CLIP4: variants seen among roughly 807,000 people sequenced by gnomAD.
CLIP4 encodes CAP-Gly domain-containing linker protein 4.
A neutral mutation model predicts 73.1 loss-of-function variants in CLIP4; 47 were observed. The observed-to-expected ratio is 0.64, with a 90% CI of 0.51 to 0.82. The LOEUF (loss-of-function observed/expected upper bound fraction) is 0.82, where lower values mean the gene tolerates loss of function less well. CLIP4 is among the 40% of genes least tolerant of loss of function. The pLI is 0.00. For synonymous variants in CLIP4, 306 were observed against 295.4 expected (o/e 1.04, Z -0.37); for missense variants, 874 against 852.9 (o/e 1.02, Z -0.31).
intron 14 of CLIP4, among the ~76,000 whole-genome samples, chr2:29,172,449 CGTT>C (rs1297717619): frequency 6.6e-6 from 1 of 152,070 alleles, no homozygotes; most frequent in African/African-American, 2.4e-5. Flanking sequence ...TTGACAGTAT[CGTT>C]GTGCTGTTTT....
chr2:29,109,132 A>G (rs762942658), intron 1 of CLIP4, among the ~76,000 whole-genome samples: 4 of 152,208 alleles, frequency 2.6e-5, no homozygotes, highest in Non-Finnish European at 4.4e-5. Context: ...GCTTGGTCAG[A>G]GTCCGTTTCA....
intron 6 of CLIP4, among the ~76,000 whole-genome samples, chr2:29,143,014 C>T (rs921661659): frequency 1.6e-4 from 24 of 152,236 alleles, no homozygotes; most frequent in African/African-American, 5.8e-4. Flanking sequence ...TTGATTATAG[C>T]CCAGGTTTTA....
At chr2:29,115,041 C>T (rs1454233608), upstream of CLIP4, 1 of 152,390 alleles carries the variant, frequency 6.6e-6, no homozygotes, top group Non-Finnish European at 1.5e-5. The surrounding 1 kb of genome is among the most constrained non-coding windows in gnomAD (Gnocchi z 5.1). Context: ...ACTAATTGCT[C>T]AACGTGGGTG....
At chr2:29,139,362 T>A (rs928826245) in intron 6 of CLIP4, among the ~76,000 whole-genome samples, 2 of 152,210 alleles carry the variant, frequency 1.3e-5, no homozygotes, top group Admixed American at 6.5e-5. Flanking sequence ...ATTATCTTTT[T>A]GGTATGCTGC....
At chr2:29,134,635 G>A (rs963564189) in intron 5 of CLIP4, among the ~76,000 whole-genome samples, 10 of 152,036 alleles carry the variant, frequency 6.6e-5, no homozygotes, top group African/African-American at 2.2e-4. Context: ...TGGGTGGTTT[G>A]CAGTTGTAGG....
At chr2:29,153,855 ACCT>A (rs898955987) in intron 9 of CLIP4, among the ~76,000 whole-genome samples, 41 of 151,858 alleles carry the variant, frequency 2.7e-4, no homozygotes, top group African/African-American at 9.9e-4. Context: ...GTAGTGGAAA[ACCT>A]CCTATCTCAT....
chr2:29,170,155 C>G (rs1221333399), intron 14 of CLIP4, among the ~76,000 whole-genome samples: 2 of 152,114 alleles, frequency 1.3e-5, no homozygotes, highest in Non-Finnish European at 2.9e-5. Flanking sequence ...TCCATTCATC[C>G]ATTGGTGGAC....
At chr2:29,181,233 C>T (rs1215219555) in intron 15 of CLIP4, among the ~76,000 whole-genome samples, 1 of 152,044 alleles carries the variant, frequency 6.6e-6, no homozygotes, top group Non-Finnish European at 1.5e-5. Flanking sequence ...GAAATAGAAG[C>T]GGATCATCAT....
chr2:29,122,417 G>T (rs913496099), intron 2 of CLIP4, among the ~76,000 whole-genome samples: 2 of 151,956 alleles, frequency 1.3e-5, no homozygotes, highest in African/African-American at 2.4e-5. Flanking sequence ...TGAACCTTGT[G>T]CATTGTACCT....
chr2:29,135,794 C>A, intron 6 of CLIP4, 128 bp downstream of exon 6: 1 of 608,910 alleles, frequency 1.6e-6, no homozygotes, highest in Non-Finnish European at 2.8e-6. Context: ...TATCTTTGTG[C>A]CACATGTAAA....
At chr2:29,169,332 T>G (rs397839720) in intron 14 of CLIP4, among the ~76,000 whole-genome samples, 88 of 784 alleles carry the variant, frequency 0.11, 1 homozygote, top group East Asian at 0.29. Context: ...TTTTTCACTG[T>G]GTGTGTGTGT....
intron 2 of CLIP4, chr2:29,130,991 G>A: frequency 1.9e-6 from 2 of 1,058,404 alleles, no homozygotes; most frequent in Non-Finnish European, 2.5e-6. Flanking sequence ...GTGCGATGTT[G>A]AGCTGGTATT....
chr2:29,143,843 C>A lies in CLIP4; in HGVS notation c.783C>A (p.Ile261=), dbSNP rs1294517466. 1.2e-6 allele frequency: 2 copies of A among 1,614,158 alleles called. No homozygotes were observed. Among genetic ancestry groups the A allele is most frequent in the Non-Finnish European group, 1.7e-6 (2 of 1,180,010 alleles). The part of the protein sequence containing the change: ...LLDAVPLSCN[I]SKAMLPNYDH... ...ATGCGGTGCCTCTGTCATGTAACAT[C>A]TCAAAGGCCATGCTCCCAAATTATG... is the stretch of plus-strand genomic sequence containing the variant. The change falls in exon 7 of 16, where the codon ATC becomes ATA. Residue 261 remains isoleucine (I), a synonymous_variant. Transcript: ENST00000320081.
chr2:29,159,049 C>G (rs1667120554), intron 11 of CLIP4, among the ~76,000 whole-genome samples: 2 of 152,324 alleles, frequency 1.3e-5, no homozygotes, highest in South Asian at 4.1e-4. Context: ...GTACCACTTA[C>G]TGGCTGTTAA....
chr2:29,108,761 T>C (rs1403842504), intron 1 of CLIP4, among the ~76,000 whole-genome samples: 1 of 152,246 alleles, frequency 6.6e-6, no homozygotes, highest in African/African-American at 2.4e-5. Flanking sequence ...GAATTTTTAA[T>C]AGAAACATGA....
chr2:29,176,803 C>T (rs769703549), intron 15 of CLIP4, among the ~76,000 whole-genome samples: 1 of 152,236 alleles, frequency 6.6e-6, no homozygotes, highest in African/African-American at 2.4e-5. Context: ...GAAATCCTCA[C>T]TGGGTCCTGT....
intron 13 of CLIP4, 87 bp from the exon 14 acceptor site, chr2:29,167,389 C>T: frequency 1.2e-6 from 1 of 804,428 alleles, no homozygotes; most frequent in Non-Finnish European, 2.0e-6. Flanking sequence ...TGAATGACTA[C>T]AATTGGTGTG....
At chr2:29,141,053 T>C (rs1257204251) in intron 6 of CLIP4, among the ~76,000 whole-genome samples, 2 of 152,192 alleles carry the variant, frequency 1.3e-5, no homozygotes, top group Non-Finnish European at 2.9e-5. Context: ...TCAAAGGATT[T>C]TTTTTGAATT....
rs192074215 is a variant in CLIP4, at chr2:29,172,703, A to G, written c.1724-1670A>G. Among the ~76,000 whole-genome samples, 673 of 152,042 alleles carry G rather than the reference A, an allele frequency of 4.4e-3. 4 individuals are homozygous for G. The highest frequency in any genetic ancestry group is 6.0e-3 in the Admixed American group (91 of 15,286). ...TCCTTCTGAAAGTCTGTTTAGTAGT[A>G]TGTTGGACCTTCTCATTTTCTTTCC... On this transcript the variant is annotated intron_variant, in intron 14 of 15. Coordinates refer to ENST00000320081, the MANE Select transcript of CLIP4 (RefSeq NM_024692.6).
Sources: allele counts gnomAD v4.1 joint callset (sites outside exome capture counted in the v4.1 genomes callset), GRCh38; gene constraint gnomAD v4.1.1; non-coding constraint Gnocchi (gnomAD v3.1); transcripts MANE v1.5; gene names NCBI Gene and HGNC (gene_info 2026-07-23, HGNC 2026-07-21).